ANK2: variants seen among roughly 807,000 people sequenced by gnomAD.
ANK2 encodes the protein ankyrin 2, also known as ankyrin-2.
Under a neutral mutation model 360.5 loss-of-function variants are expected in ANK2, and 83 were observed. That is an observed-to-expected ratio of 0.23 (90% CI 0.19 to 0.28). The LOEUF is 0.28. ANK2 is among the 10% of genes least tolerant of loss of function. The probability of loss-of-function intolerance (pLI) is 1.00; values close to 1 mark genes in which losing one functional copy is unlikely to be tolerated. For synonymous variants in ANK2, 1,740 were observed against 1,759.5 expected (o/e 0.99, Z 0.28); for missense variants, 4,201 against 4,795.7 (o/e 0.88, Z 3.66).
intron 2 of ANK2, among the ~76,000 whole-genome samples, chr4:112,971,346 G>A (rs1317374484): frequency 3.3e-5 from 5 of 152,152 alleles, no homozygotes; most frequent in African/African-American, 1.2e-4. Context: ...TCCCAACTGA[G>A]TTGTAAACAG....
At chr4:112,919,499 G>A (rs1306363604) in intron 2 of ANK2, among the ~76,000 whole-genome samples, 3 of 152,050 alleles carry the variant, frequency 2.0e-5, no homozygotes, top group Admixed American at 2.0e-4. Context: ...TATAATTAAT[G>A]TATATACTAA....
In ANK2 at chr4:113,356,255, T is replaced by A; in HGVS notation, c.7637T>A (p.Val2546Asp). ...CCTGACACCCCCAGCTCTGAAGAAG[T>A]CAGCTATGAGGTTACACCCAAAACC... ...LSPDTPSSEE[V>D]SYEVTPKTTD... The change falls in exon 38 of 46, where the codon GTC (valine) becomes GAC (aspartate). Residue 2546 changes from valine (V) to aspartate (D), a missense_variant. Coordinates refer to ENST00000357077, the MANE Select transcript of ANK2 (RefSeq NM_001148.6). 1 of 1,613,754 alleles carries A rather than the reference T, an allele frequency of 6.2e-7. No homozygotes were observed. Among genetic ancestry groups the A allele is most frequent in the Non-Finnish European group, 8.5e-7 (1 of 1,179,944 alleles).
At chr4:113,373,698 T>G (rs2096826454) in intron 45 of ANK2, 1 of 652,336 alleles carries the variant, frequency 1.5e-6, no homozygotes, top group South Asian at 1.5e-5. Context: ...ATTCTTTATT[T>G]AATTCATGGT....
At chr4:112,844,332 T>C (rs2062815112) in intron 1 of ANK2, among the ~76,000 whole-genome samples, 1 of 152,256 alleles carries the variant, frequency 6.6e-6, no homozygotes, top group Admixed American at 6.5e-5. Flanking sequence ...TGCACCTTCC[T>C]TGTCCCTTTC....
intron 2 of ANK2, among the ~76,000 whole-genome samples, chr4:112,927,772 A>G (rs1351635208): frequency 6.6e-6 from 1 of 152,242 alleles, no homozygotes. Context: ...GGCAACAGGC[A>G]AAACATGTCA....
intron 2 of ANK2, among the ~76,000 whole-genome samples, chr4:112,970,918 C>T (rs1035305351): frequency 6.6e-6 from 1 of 151,976 alleles, no homozygotes; most frequent in Non-Finnish European, 1.5e-5. Context: ...AGCCATTCCA[C>T]AATGCATAAT....
intron 31 of ANK2, among the ~76,000 whole-genome samples, chr4:113,338,642 T>C (rs938150014): frequency 2.1e-5 from 3 of 143,866 alleles, no homozygotes; most frequent in African/African-American, 8.1e-5. Context: ...CTCCACCTCC[T>C]GGGTTCACGC....
chr4:112,796,785 C>T, the ANK2 span, among the ~76,000 whole-genome samples: 1 of 151,654 alleles, frequency 6.6e-6, no homozygotes, highest in Non-Finnish European at 1.5e-5. Context: ...AAGTACAAAT[C>T]TGAAAGTGTT....
At chr4:113,011,045 T>A (rs566853846) in intron 2 of ANK2, among the ~76,000 whole-genome samples, 1 of 152,230 alleles carries the variant, frequency 6.6e-6, no homozygotes, top group South Asian at 2.1e-4. Flanking sequence ...TGAGTCCTGG[T>A]CAGAAAAAGT....
chr4:113,233,279 C>G (rs1029329678), intron 5 of ANK2, among the ~76,000 whole-genome samples: 3 of 148,694 alleles, frequency 2.0e-5, no homozygotes, highest in African/African-American at 4.9e-5. Flanking sequence ...GGACTACAGG[C>G]GCCCGCCACT....
chr4:112,732,529 G>C, the ANK2 span, among the ~76,000 whole-genome samples: 1 of 152,160 alleles, frequency 6.6e-6, no homozygotes, highest in Non-Finnish European at 1.5e-5. Context: ...TCACAGGCCT[G>C]TGCCCAGCCA....
At chr4:113,347,577 C>T (rs1307377476) in intron 35 of ANK2, among the ~76,000 whole-genome samples, 2 of 152,136 alleles carry the variant, frequency 1.3e-5, no homozygotes, top group African/African-American at 4.8e-5. Flanking sequence ...ATATCAGACA[C>T]AGCTATTAAT....
At chr4:113,032,623 GC>G (rs2060657154) in intron 2 of ANK2, among the ~76,000 whole-genome samples, 1 of 151,994 alleles carries the variant, frequency 6.6e-6, no homozygotes, top group Non-Finnish European at 1.5e-5. Flanking sequence ...TTGAGGTATT[GC>G]CAAAAAGCAG....
chr4:112,740,047 G>A, the ANK2 span, among the ~76,000 whole-genome samples: 2 of 151,636 alleles, frequency 1.3e-5, no homozygotes, highest in African/African-American at 4.8e-5. Context: ...TGTTGCAGGC[G>A]GGTTCTTCTA....
At chr4:113,070,603 G>T (rs1269931757) in intron 1 of ANK2, among the ~76,000 whole-genome samples, 1 of 152,032 alleles carries the variant, frequency 6.6e-6, no homozygotes, top group Non-Finnish European at 1.5e-5. Context: ...CTATCAGTTT[G>T]CCCTACAAGT....
At chr4:112,870,501 A>G (rs564132147) in intron 1 of ANK2, among the ~76,000 whole-genome samples, 11 of 152,226 alleles carry the variant, frequency 7.2e-5, no homozygotes, top group African/African-American at 2.4e-4. Flanking sequence ...TGAGGGAGGG[A>G]TCCAAATTCA....
At chr4:113,071,571 G>A (rs775554051) in intron 1 of ANK2, among the ~76,000 whole-genome samples, 8 of 152,096 alleles carry the variant, frequency 5.3e-5, no homozygotes, top group South Asian at 2.1e-4. Context: ...GCTAACATGC[G>A]CAGTGTTCTG....
intron 2 of ANK2, among the ~76,000 whole-genome samples, chr4:112,985,499 G>T (rs1270025592): frequency 6.6e-6 from 1 of 152,132 alleles, no homozygotes; most frequent in Non-Finnish European, 1.5e-5. Context: ...ACAGAAAGAG[G>T]CTGCTTCTTA....
intron 4 of ANK2, among the ~76,000 whole-genome samples, chr4:113,210,464 A>G (rs148770786): frequency 1.4e-3 from 210 of 152,318 alleles, no homozygotes; most frequent in Non-Finnish European, 2.6e-3. Context: ...ATGAGAGCTA[A>G]TCAAGTCCAG....
Sources: gnomAD v4.1 joint callset for allele counts (sites outside exome capture counted in the v4.1 genomes callset) on GRCh38, gnomAD v4.1.1 for gene constraint, MANE v1.5 for transcripts, NCBI Gene and HGNC (gene_info 2026-07-23, HGNC 2026-07-21) for gene names.